Variants in VPS13A observed in about 807,000 individuals in gnomAD.
VPS13A encodes the protein vacuolar protein sorting 13 homolog A, also known as intermembrane lipid transfer protein VPS13A.
A neutral mutation model predicts 390.9 loss-of-function variants in VPS13A; 264 were observed. The ratio of observed to expected loss-of-function variants is 0.68; its 90% confidence interval spans 0.61 to 0.75. The LOEUF (loss-of-function observed/expected upper bound fraction) is 0.75, where lower values mean the gene tolerates loss of function less well. Ranked by LOEUF, VPS13A falls within the 30% of genes least tolerant of loss-of-function variation. VPS13A has a pLI of 0.00. For missense variants in VPS13A, 3,409 were observed against 3,733.9 expected (o/e 0.91, Z 2.27); for synonymous variants, 1,231 against 1,227.1 (o/e 1.00, Z -0.07).
Position 77,238,188 on chromosome 9 carries a change from T to C in VPS13A, c.1782T>C (p.Asp594=), listed in dbSNP as rs955568508. 1 of 1,612,872 alleles carries C rather than the reference T, an allele frequency of 6.2e-7. No individual in the cohort carries two copies. Among genetic ancestry groups the C allele is most frequent in the Middle Eastern group, 1.7e-4 (1 of 6,046 alleles). Residue 594 remains aspartate, a synonymous_variant, in exon 18 of 72, where the codon GAT becomes GAC. Coordinates refer to ENST00000360280, the MANE Select transcript of VPS13A (RefSeq NM_033305.3). ...CTGAACCTTTAGAAATCATATATGATGCAGTAAGCATTTTTTTAAATTACT... is the reference window on the plus strand; with the variant it reads ...CTGAACCTTTAGAAATCATATATGACGCAGTAAGCATTTTTTTAAATTACT... ...IEAEPLEIIY[D]ARTVNSIVEF...
At chr9:77,187,991 T>G (rs1824444363) in intron 1 of VPS13A, among the ~76,000 whole-genome samples, 1 of 152,090 alleles carries the variant, frequency 6.6e-6, no homozygotes, top group Non-Finnish European at 1.5e-5. Flanking sequence ...TTGTTGGAGG[T>G]GGGGACTGGT....
chr9:77,321,205 G>T lies in VPS13A; in HGVS notation c.5452G>T (p.Asp1818Tyr). ...AGCAAAAATGGCCATTGTTGAGTCA[G>T]ATCCTGAAGAAGAAAACTACAAAGT... The part of the protein sequence containing the change: ...KKAKMAIVES[D>Y]PEEENYKVPE... Residue 1818 changes from aspartate to tyrosine, a missense_variant, in exon 43 of 72, where the codon GAT becomes TAT. Transcript: ENST00000360280. 6.2e-7 allele frequency: 1 copy of T among 1,612,650 alleles called. No individual in the cohort carries two copies. The highest frequency in any genetic ancestry group is 8.5e-7 in the Non-Finnish European group (1 of 1,179,138).
At chr9:77,363,795 T>C (rs1016986334) in intron 59 of VPS13A, among the ~76,000 whole-genome samples, 5 of 152,244 alleles carry the variant, frequency 3.3e-5, no homozygotes, top group Non-Finnish European at 5.9e-5. Flanking sequence ...AACTGCACTA[T>C]ATGTTATAAG....
rs1018530381 is a variant in VPS13A, at chr9:77,217,428, C to G, written c.755-2526C>G. Among the ~76,000 whole-genome samples the G allele has an allele frequency of 4.6e-5, 7 of 152,216 alleles. No homozygotes were observed. In the East Asian group the frequency reaches 1.4e-3, roughly 29 times the overall value. On this transcript the variant is annotated intron_variant, in intron 10 of 71. Transcript: ENST00000360280. ...ATCACCTGAATAATGTACATTGTCC[C>G]CATTAAGTAATTTCTTATCATCCAC...
chr9:77,214,978 C>G (rs1310367938), intron 10 of VPS13A, among the ~76,000 whole-genome samples: 6 of 152,140 alleles, frequency 3.9e-5, no homozygotes, highest in Non-Finnish European at 8.8e-5. Context: ...GTTGCCCAGG[C>G]TGGTCTCCAA....
chr9:77,277,854 A>G (rs1004536661), intron 26 of VPS13A, among the ~76,000 whole-genome samples: 21 of 152,104 alleles, frequency 1.4e-4, no homozygotes, highest in Non-Finnish European at 2.8e-4. Flanking sequence ...CGGTTTGGCA[A>G]TTGTTAATAA....
In VPS13A at chr9:77,345,026, A is replaced by AGAAGT; in HGVS notation, c.7177_7181dup (p.Asn2394LysfsTer2). On this transcript the variant is annotated frameshift_variant, in exon 52 of 72. Transcript: ENST00000360280. LOFTEE classifies it high-confidence loss of function. Reference sequence around the variant, plus strand: ...TCTTCTAGCTTGGAGGTATTATAGCAGAAGTGAATTTGGCCGAGCATTCTA... The same window carrying AGAAGT: ...TCTTCTAGCTTGGAGGTATTATAGCAGAAGTGAAGTGAATTTGGCCGAGCATTCTA... 6.2e-7 allele frequency: 1 copy of AGAAGT among 1,612,552 alleles called. No homozygotes were observed. Among genetic ancestry groups the AGAAGT allele is most frequent in the Non-Finnish European group, 8.5e-7 (1 of 1,179,854 alleles).
chr9:77,316,539 C>CT, intron 39 of VPS13A, 133 bp downstream of exon 39: 1 of 708,756 alleles, frequency 1.4e-6, no homozygotes, highest in Non-Finnish European at 2.4e-6. Context: ...GCTTAGAGAG[C>CT]TTAATTTAGA....
At position 77,403,229 on chromosome 9, in the gene VPS13A, C is replaced by T. The variant is rs1463716391; in HGVS notation, c.9190-7C>T. On this transcript the variant is annotated splice_polypyrimidine_tract_variant and splice_region_variant and intron_variant, in intron 68 of 71. Coordinates refer to ENST00000360280, the MANE Select transcript of VPS13A (RefSeq NM_033305.3). ...TTTTCTCATTGTCTCTCACTTTTTT[C>T]TTTTAGGTCATGGAAAATGGAAGAT... The T allele has an allele frequency of 2.5e-6, 4 of 1,605,214 alleles. No individual in the cohort carries two copies. In the East Asian group the frequency reaches 6.7e-5, roughly 27 times the overall value.
At chr9:77,331,132 CA>C (rs1227712029) in intron 45 of VPS13A, among the ~76,000 whole-genome samples, 1 of 141,308 alleles carries the variant, frequency 7.1e-6, no homozygotes, top group African/African-American at 2.8e-5. Flanking sequence ...TTTTCATTTT[CA>C]TTTTTTTTTA....
chr9:77,400,005 G>A (rs926580834), intron 68 of VPS13A, among the ~76,000 whole-genome samples: 2 of 152,084 alleles, frequency 1.3e-5, no homozygotes, highest in Non-Finnish European at 2.9e-5. Context: ...TTGTATGGCT[G>A]TACATGAATT....
In VPS13A at chr9:77,308,041, A is replaced by G; in HGVS notation, c.4057A>G (p.Lys1353Glu). Residue 1353 changes from lysine to glutamate, a missense_variant, in exon 35 of 72, where the codon AAA becomes GAA. By Grantham distance (56) the Lys-to-Glu change is moderately conservative. This residue lies in a region of VPS13A where 2,717 missense variants were observed against 2,917.4 expected (regional missense o/e 0.93). Coordinates refer to ENST00000360280, the MANE Select transcript of VPS13A (RefSeq NM_033305.3). Reference sequence around the variant, plus strand: ...TGGTAGTGCCTCACCTGCTGTAACAAAAGACCAATACAGTGCCACTAGTGG... The same window carrying G: ...TGGTAGTGCCTCACCTGCTGTAACAGAAGACCAATACAGTGCCACTAGTGG... ...KDGSASPAVTKDQYSATSGVT... is the reference protein window; with the variant it reads ...KDGSASPAVTEDQYSATSGVT... The G allele has an allele frequency of 6.2e-7, 1 of 1,613,974 alleles. No homozygotes were observed. Among genetic ancestry groups the G allele is most frequent in the East Asian group, 2.2e-5 (1 of 44,826 alleles).
At chr9:77,311,041 C>T (rs879611661) in intron 35 of VPS13A, among the ~76,000 whole-genome samples, 18 of 152,106 alleles carry the variant, frequency 1.2e-4, no homozygotes, top group Non-Finnish European at 1.9e-4. Flanking sequence ...TCTCCTGCCT[C>T]AGCCTCCTGA....
At chr9:77,191,368 A>G (rs1379441045) in intron 1 of VPS13A, among the ~76,000 whole-genome samples, 1 of 145,606 alleles carries the variant, frequency 6.9e-6, no homozygotes, top group Non-Finnish European at 1.5e-5. Context: ...AACACGGCTC[A>G]CTGCAGCCTC....
intron 22 of VPS13A, 117 bp from the exon 23 acceptor site, chr9:77,259,969 A>C (rs1406709525): frequency 4.0e-6 from 3 of 754,598 alleles, no homozygotes; most frequent in Non-Finnish European, 6.3e-6. Context: ...TGGAATAGAG[A>C]TTTTTAGTGT....
At chr9:77,267,468 C>T (rs1826100983) in intron 23 of VPS13A, among the ~76,000 whole-genome samples, 1 of 152,122 alleles carries the variant, frequency 6.6e-6, no homozygotes, top group African/African-American at 2.4e-5. Flanking sequence ...CACTGCAGAC[C>T]CTGTTTCCCT....
At chr9:77,389,309 T>C (rs1419505579) in intron 68 of VPS13A, among the ~76,000 whole-genome samples, 1 of 66,998 alleles carries the variant, frequency 1.5e-5, no homozygotes, top group Non-Finnish European at 3.3e-5. Context: ...AGCAGAACTC[T>C]TTTTTTTTTT....
rs778663791 is a variant in VPS13A, at chr9:77,250,165, G to A, written c.2106G>A (p.Met702Ile). The change falls in exon 21 of 72, where the codon ATG becomes ATA. Residue 702 changes from methionine to isoleucine, a missense_variant. Transcript: ENST00000360280. ...GTGAGGCCAATCTTAAAGAGATAATGGATAGAGCTTATGATTCATTTGATA... is the reference window on the plus strand; with the variant it reads ...GTGAGGCCAATCTTAAAGAGATAATAGATAGAGCTTATGATTCATTTGATA... ...KQGEANLKEI[M>I]DRAYDSFDIQ... 4.3e-6 allele frequency: 7 copies of A among 1,613,762 alleles called. No homozygotes were observed. Among genetic ancestry groups the A allele is most frequent in the Non-Finnish European group, 5.1e-6 (6 of 1,179,922 alleles).
Position 77,210,476 on chromosome 9 carries a change from T to A in VPS13A, c.496-140T>A, listed in dbSNP as rs1825920477. 23 of 759,330 alleles carry A rather than the reference T, an allele frequency of 3.0e-5. No homozygotes were observed. In the South Asian group the frequency reaches 3.2e-4, roughly 10 times the overall value. The allele number at this position is 759,330 out of a possible 1,614,324, so 47.0% of individuals were successfully genotyped here. ...TGTTACCCAGGCTGGTCTCCAGAGC[T>A]CAAGCAGTCCTCCTGCCTTGGCCTT... On this transcript the variant is annotated intron_variant, in intron 6 of 71. Coordinates refer to ENST00000360280, the MANE Select transcript of VPS13A (RefSeq NM_033305.3).
Sources: allele counts gnomAD v4.1 joint callset (sites outside exome capture counted in the v4.1 genomes callset), GRCh38; gene constraint gnomAD v4.1.1; regional missense constraint gnomAD v4.1.1; transcripts MANE v1.5; gene names NCBI Gene and HGNC (gene_info 2026-07-23, HGNC 2026-07-21).